Variants in MCF2 observed in about 807,000 individuals in gnomAD.
MCF2 encodes proto-oncogene DBL.
A neutral mutation model predicts 82.5 loss-of-function variants in MCF2; 44 were observed. That is an observed-to-expected ratio of 0.53 (90% CI 0.42 to 0.69). MCF2 has a LOEUF of 0.69. Ranked by LOEUF, MCF2 falls within the 30% of genes least tolerant of loss-of-function variation. The pLI, the probability that MCF2 is intolerant of heterozygous loss-of-function variation, is 0.00. For synonymous variants in MCF2, 217 were observed against 224.9 expected (o/e 0.96, Z 0.32); for missense variants, 623 against 663.1 (o/e 0.94, Z 0.66).
intron 6 of MCF2, among the ~76,000 whole-genome samples, chrX:139,622,219 G>C (rs1053292273): frequency 8.9e-6 from 1 of 111,839 alleles, no homozygotes; most frequent in African/African-American, 3.2e-5. Flanking sequence ...TCATTAAAAA[G>C]TCAGGAAACA....
intron 1 of MCF2, among the ~76,000 whole-genome samples, chrX:139,684,130 C>A (rs978473474): frequency 2.9e-4 from 32 of 111,939 alleles, no homozygotes; most frequent in Non-Finnish European, 1.9e-4. Flanking sequence ...TAAAACTCAA[C>A]AGTAAAAGAG....
At chrX:139,632,528 A>C in intron 1 of MCF2, 74 bp from the exon 5 acceptor site, 2 of 887,484 alleles carry the variant, frequency 2.3e-6, no homozygotes, top group Middle Eastern at 2.9e-4. Context: ...ATATCAGAAA[A>C]TATGTAACTG....
intron 1 of MCF2, among the ~76,000 whole-genome samples, chrX:139,637,335 G>A (rs1412050333): frequency 9.0e-6 from 1 of 111,209 alleles, no homozygotes; most frequent in African/African-American, 3.3e-5. Context: ...ATATAGTTTA[G>A]ACCAGGTGTG....
chrX:139,693,485 C>T (rs1462342884), intron 1 of MCF2, among the ~76,000 whole-genome samples: 1 of 1,016 alleles, frequency 9.8e-4, no homozygotes, highest in Non-Finnish European at 0.011. Flanking sequence ...AGGGGAGGAA[C>T]ACACACACAC....
chrX:139,622,378 G>A (rs749693075), intron 6 of MCF2, among the ~76,000 whole-genome samples: 1 of 111,667 alleles, frequency 9.0e-6, no homozygotes, highest in South Asian at 3.8e-4. Context: ...TCCCATTACT[G>A]GGTATATACC....
intron 19 of MCF2, 49 bp from the exon 24 acceptor site, chrX:139,589,976 A>G (rs1466738859): frequency 1.2e-5 from 9 of 749,181 alleles, no homozygotes; most frequent in Non-Finnish European, 1.6e-5. Flanking sequence ...TTTGAATATG[A>G]AATTACATTA....
Position 139,631,514 on chromosome X carries a change from A to C in MCF2, c.172-3T>G, listed in dbSNP as rs1932927679. 8.9e-7 allele frequency: 1 copy of C among 1,119,575 alleles called. No homozygotes were observed. Among genetic ancestry groups the C allele is most frequent in the African/African-American group, 1.8e-5 (1 of 55,242 alleles). 92.3% of individuals were successfully genotyped at this position (1,119,575 alleles called of 1,213,427 possible). On this transcript the variant is annotated splice_region_variant and splice_polypyrimidine_tract_variant and intron_variant, in intron 2 of 24. Transcript: ENST00000370576. ...CTAACTGAGCTCAGCATAACAACCT[A>C]TATAAATAAGCAAAAAAGATACTGT... is the stretch of plus-strand genomic sequence containing the variant.
intron 10 of MCF2, among the ~76,000 whole-genome samples, chrX:139,612,109 C>T (rs1418174600): frequency 9.1e-6 from 1 of 109,334 alleles, no homozygotes; most frequent in African/African-American, 3.3e-5. Flanking sequence ...TGAATGGATT[C>T]GAGAGAGATA....
rs1427632648 is a variant in MCF2 at position 139,595,852 on chromosome X, CT to C, written c.2277+696del. Among the ~76,000 whole-genome samples, 3 of 111,629 alleles carry C rather than the reference CT, an allele frequency of 2.7e-5. No homozygotes were observed. In the East Asian group the frequency reaches 8.4e-4, roughly 31 times the overall value. Reference sequence around the variant, plus strand: ...CATGTGAATTGGAAGTTCTTCTTCTCTATTGGAGAAACCAGCTGTAAGTATC... The same window carrying C: ...CATGTGAATTGGAAGTTCTTCTTCTCATTGGAGAAACCAGCTGTAAGTATC... On this transcript the variant is annotated intron_variant, in intron 19 of 24. Coordinates refer to ENST00000370576, the Ensembl canonical transcript of MCF2.
At position 139,587,751 on chromosome X, in the gene MCF2, C is replaced by T. The variant is rs767719193; in HGVS notation, c.2487G>A (p.Arg829=). Residue 829 remains arginine, a synonymous_variant, in exon 22 of 25, where the codon CGG becomes CGA. Transcript: ENST00000370576. ...GCTGAAGAGAAATCTGAAACTTATC[C>T]CGTTCTGTTAATTGATCCTGTTGCT... 37 of 1,195,203 alleles carry T rather than the reference C, an allele frequency of 3.1e-5. No individual in the cohort carries two copies. In the East Asian group the frequency reaches 1.1e-3, roughly 36 times the overall value.
In MCF2 at chrX:139,599,087, A is replaced by G. The variant is rs190244865; in HGVS notation, c.1837-589T>C. ...TGCAGATATTTAGGATGAAATGTGC[A>G]TAGAGAAAGTATAGAACACAAAGGG... On this transcript the variant is annotated intron_variant, in intron 16 of 24. Coordinates refer to ENST00000370576, the Ensembl canonical transcript of MCF2. Among the ~76,000 whole-genome samples, 3 of 109,880 alleles carry G rather than the reference A, an allele frequency of 2.7e-5. No individual in the cohort carries two copies. In the East Asian group the frequency reaches 8.7e-4, roughly 32 times the overall value.
chrX:139,667,806 G>A (rs1367148392), intron 1 of MCF2, among the ~76,000 whole-genome samples: 1 of 111,683 alleles, frequency 9.0e-6, no homozygotes, highest in African/African-American at 3.3e-5. Flanking sequence ...TGGGTGGTGA[G>A]CACATGTAAC....
At chrX:139,627,234 G>A (rs938290505) in intron 4 of MCF2, among the ~76,000 whole-genome samples, 2 of 112,089 alleles carry the variant, frequency 1.8e-5, no homozygotes, top group Non-Finnish European at 3.8e-5. Context: ...ACCTGGCACT[G>A]TTCTGCTAAC....
intron 1 of MCF2, among the ~76,000 whole-genome samples, chrX:139,675,184 C>G (rs757500523): frequency 9.1e-6 from 1 of 110,284 alleles, no homozygotes; most frequent in East Asian, 2.8e-4. Flanking sequence ...ACTGTTTATT[C>G]TAGTTCGCCA....
At chrX:139,585,095 C>T (rs1364924958) in exon 24 of MCF2, 1 of 1,199,091 alleles carries the variant, frequency 8.3e-7, no homozygotes, top group Non-Finnish European at 1.1e-6. Flanking sequence ...TCTTCATTTT[C>T]ATCATAAGTA....
rs1031044921 is a variant in MCF2, at chrX:139,603,632, G to A, written c.1743+1049C>T. ...GGGCAGATCACGAGGTCAGGAGATC[G>A]AGACCATCCTCGCTAACACGGTGAA... is the stretch of plus-strand genomic sequence containing the variant. On this transcript the variant is annotated intron_variant, in intron 15 of 24. Transcript: ENST00000370576. Among the ~76,000 whole-genome samples, 6 of 111,650 alleles carry A rather than the reference G, an allele frequency of 5.4e-5. No homozygotes were observed. In the East Asian group the frequency reaches 8.5e-4, roughly 16 times the overall value.
At chrX:139,681,325 A>T (rs751984607) in intron 1 of MCF2, among the ~76,000 whole-genome samples, 37 of 111,543 alleles carry the variant, frequency 3.3e-4, no homozygotes, top group Non-Finnish European at 6.0e-4. Flanking sequence ...GACCTAGTCA[A>T]GGCATTTATG....
At chrX:139,635,115 T>C (rs1378709585) in intron 1 of MCF2, among the ~76,000 whole-genome samples, 1 of 110,954 alleles carries the variant, frequency 9.0e-6, no homozygotes, top group Non-Finnish European at 1.9e-5. Flanking sequence ...GAACATTTGA[T>C]GTAAGCAGGG....
intron 1 of MCF2, among the ~76,000 whole-genome samples, chrX:139,706,421 C>T (rs926588129): frequency 2.7e-5 from 3 of 111,879 alleles, no homozygotes; most frequent in African/African-American, 6.5e-5. Context: ...GCAACATGCA[C>T]GGAGCTGGAG....
Sources: allele counts gnomAD v4.1 joint callset (sites outside exome capture counted in the v4.1 genomes callset), GRCh38; gene constraint gnomAD v4.1.1; transcripts MANE v1.5; gene names NCBI Gene and HGNC (gene_info 2026-07-23, HGNC 2026-07-21).